Variants in SLC25A36 observed in about 807,000 individuals in gnomAD.
SLC25A36 encodes solute carrier family 25 member 36, also known as epididymis secretory sperm binding protein.
Under a neutral mutation model 35.3 loss-of-function variants are expected in SLC25A36, and 24 were observed. The ratio of observed to expected loss-of-function variants is 0.68; its 90% confidence interval spans 0.49 to 0.96. The LOEUF is 0.96. Ranked by LOEUF, SLC25A36 falls within the 40% of genes least tolerant of loss-of-function variation. The pLI is 0.00. For missense variants in SLC25A36, 294 were observed against 381.1 expected (o/e 0.77, Z 1.90); for synonymous variants, 141 against 132.2 (o/e 1.07, Z -0.46).
At chr3:140,946,514 T>A (rs1234058407) in intron 1 of SLC25A36, among the ~76,000 whole-genome samples, 1 of 152,234 alleles carries the variant, frequency 6.6e-6, no homozygotes, top group Admixed American at 6.5e-5. Context: ...TCAGGCTATT[T>A]CAATAATCCA....
chr3:140,976,560 T>A lies in SLC25A36; in HGVS notation c.*107T>A, dbSNP rs565759396. On this transcript the variant is annotated 3_prime_UTR_variant, in exon 7 of 7. Transcript: ENST00000324194. ...ACAGAAGAAAAATAGTTTGGGAACA[T>A]GTAACTATTCTAAGTGGAAGTTTTG... 60 of 904,900 alleles carry A rather than the reference T, an allele frequency of 6.6e-5. No homozygotes were observed. The highest frequency in any genetic ancestry group is 2.3e-4 in the Middle Eastern group (1 of 4,300). The allele number at this position is 904,900 out of a possible 1,614,324, so 56.1% of individuals were successfully genotyped here.
At chr3:140,964,057 G>A (rs1934700148) in intron 4 of SLC25A36, 1 of 151,856 alleles carries the variant, frequency 6.6e-6, no homozygotes, top group Non-Finnish European at 1.5e-5. Flanking sequence ...TTCAAATTAT[G>A]CTGTAACTTT....
chr3:140,973,900 A>G lies in SLC25A36; in HGVS notation c.637A>G (p.Met213Val). ...KLLEYKTAST[M>V]ENDEESVKEA... ...ACTGGAATATAAGACTGCTTCTACA[A>G]TGGAAAATGATGAAGAGTCTGTGAA... Residue 213 changes from methionine (M) to valine (V), a missense_variant, in exon 6 of 7, where the codon ATG becomes GTG. Met to Val is a conservative substitution (Grantham distance 21). Coordinates refer to ENST00000324194, the MANE Select transcript of SLC25A36 (RefSeq NM_001104647.3). 6.2e-7 allele frequency: 1 copy of G among 1,613,184 alleles called. No individual in the cohort carries two copies. Among genetic ancestry groups the G allele is most frequent in the South Asian group, 1.1e-5 (1 of 91,002 alleles).
intron 4 of SLC25A36, chr3:140,966,365 A>G: frequency 3.1e-6 from 1 of 324,682 alleles, no homozygotes; most frequent in Admixed American, 3.3e-5. Flanking sequence ...GAAATTAAAT[A>G]CAAAATAATG....
intron 2 of SLC25A36, among the ~76,000 whole-genome samples, chr3:140,958,038 T>C (rs1287741449): frequency 6.6e-6 from 1 of 151,748 alleles, no homozygotes; most frequent in Non-Finnish European, 1.5e-5. Flanking sequence ...GGGGTACTGG[T>C]TTTTTTTATT....
chr3:140,962,732 T>C (rs896517093), intron 3 of SLC25A36, among the ~76,000 whole-genome samples: 1 of 152,132 alleles, frequency 6.6e-6, no homozygotes, highest in African/African-American at 2.4e-5. Context: ...CTTACAGCCT[T>C]ATTCATTCAT....
intron 1 of SLC25A36, among the ~76,000 whole-genome samples, chr3:140,953,473 T>C (rs1372581188): frequency 6.6e-6 from 1 of 152,176 alleles, no homozygotes; most frequent in East Asian, 1.9e-4. Flanking sequence ...AGCTTATTTA[T>C]GATTGAATGT....
intron 2 of SLC25A36, 92 bp from the exon 3 acceptor site, chr3:140,959,371 T>C: frequency 1.3e-6 from 1 of 743,750 alleles, no homozygotes; most frequent in Non-Finnish European, 2.1e-6. Flanking sequence ...AATACAAATG[T>C]ACTGGATTTA....
In SLC25A36 at chr3:140,973,821, T is replaced by C. The variant is rs763338446; in HGVS notation, c.558T>C (p.Gly186=). The change falls in exon 6 of 7, where the codon GGT becomes GGC. Residue 186 remains glycine, a synonymous_variant. Transcript: ENST00000324194. Reference sequence around the variant, plus strand: ...GGGGCATGTCTGCTTCATATGCTGGTATATCAGAGACTGTTATCCATTTTG... The same window carrying C: ...GGGGCATGTCTGCTTCATATGCTGGCATATCAGAGACTGTTATCCATTTTG... ...FYRGMSASYA[G]ISETVIHFVI... 1 of 1,613,486 alleles carries C rather than the reference T, an allele frequency of 6.2e-7. No individual in the cohort carries two copies. Among genetic ancestry groups the C allele is most frequent in the Non-Finnish European group, 8.5e-7 (1 of 1,179,670 alleles).
intron 4 of SLC25A36, chr3:140,965,308 A>G (rs1309322870): frequency 3.3e-5 from 5 of 151,780 alleles, no homozygotes. Flanking sequence ...ATAGGTCTAA[A>G]TATGAATGAT....
At chr3:140,946,181 A>G (rs1052047600) in intron 1 of SLC25A36, among the ~76,000 whole-genome samples, 19 of 151,678 alleles carry the variant, frequency 1.3e-4, no homozygotes, top group African/African-American at 3.4e-4. Flanking sequence ...GTGCTGTGGG[A>G]AAAAAAATGG....
At chr3:140,969,073 A>G (rs1934836607) in intron 4 of SLC25A36, among the ~76,000 whole-genome samples, 1 of 151,844 alleles carries the variant, frequency 6.6e-6, no homozygotes, top group South Asian at 2.1e-4. Context: ...TTAAGTTTAC[A>G]AAACAAGAAT....
chr3:140,962,404 A>G (rs1252998556), intron 3 of SLC25A36, among the ~76,000 whole-genome samples: 1 of 152,204 alleles, frequency 6.6e-6, no homozygotes, highest in Non-Finnish European at 1.5e-5. Context: ...GTGGGGATGC[A>G]TAAAATCGTA....
At position 140,978,655 on chromosome 3, in the gene SLC25A36, T is replaced by C. The variant is rs1935113512; in HGVS notation, c.*2202T>C. The C allele has an allele frequency of 6.6e-6, 1 of 152,228 alleles. No homozygotes were observed. Among genetic ancestry groups the C allele is most frequent in the Admixed American group, 6.5e-5 (1 of 15,280 alleles). 9.4% of individuals were successfully genotyped at this position (152,228 alleles called of 1,614,324 possible). On this transcript the variant is annotated 3_prime_UTR_variant, in exon 7 of 7. Transcript: ENST00000324194. ...TGACCTTTAGTGCATTATATTCAGC[T>C]TTTAACAGTATTATGTATGTACTGG...
intron 3 of SLC25A36, among the ~76,000 whole-genome samples, chr3:140,961,977 A>G (rs1934642284): frequency 6.7e-6 from 1 of 148,312 alleles, no homozygotes; most frequent in African/African-American, 2.5e-5. Flanking sequence ...ACTAAGAGGG[A>G]TTTTTCACTG....
intron 1 of SLC25A36, among the ~76,000 whole-genome samples, chr3:140,945,960 A>G (rs1453877140): frequency 1.3e-5 from 2 of 152,190 alleles, no homozygotes; most frequent in East Asian, 3.8e-4. Flanking sequence ...CATGGGTAAA[A>G]AAGTCATTCA....
chr3:140,963,440 G>C (rs2107802818), intron 4 of SLC25A36: 1 of 418,928 alleles, frequency 2.4e-6, no homozygotes, highest in East Asian at 5.0e-5. Context: ...TAGGGTACAA[G>C]TAATATATTT....
chr3:140,943,022 A>G (rs1934060744), intron 1 of SLC25A36, among the ~76,000 whole-genome samples: 1 of 152,328 alleles, frequency 6.6e-6, no homozygotes, highest in Non-Finnish European at 1.5e-5. Context: ...GACTAAGCCT[A>G]AAGTCTTAGT....
At chr3:140,946,579 G>A (rs1001662433) in intron 1 of SLC25A36, among the ~76,000 whole-genome samples, 47 of 152,342 alleles carry the variant, frequency 3.1e-4, no homozygotes, top group Middle Eastern at 3.4e-3. Flanking sequence ...ATTGTGAGAA[G>A]TGGTTGAATT....
Sources: allele counts gnomAD v4.1 joint callset (sites outside exome capture counted in the v4.1 genomes callset), GRCh38; gene constraint gnomAD v4.1.1; transcripts MANE v1.5; gene names NCBI Gene and HGNC (gene_info 2026-07-23, HGNC 2026-07-21).